Variants in PARM1 observed in about 807,000 individuals in gnomAD.
PARM1 encodes prostate androgen-regulated mucin-like protein 1.
A neutral mutation model predicts 24.6 loss-of-function variants in PARM1; 14 were observed. The observed-to-expected ratio is 0.57, with a 90% CI of 0.38 to 0.89. The LOEUF is 0.89. Ranked by LOEUF, PARM1 falls within the 40% of genes least tolerant of loss-of-function variation. The pLI is 0.00. For missense variants in PARM1, 362 were observed against 380.4 expected (o/e 0.95, Z 0.40); for synonymous variants, 179 against 156.6 (o/e 1.14, Z -1.07).
At chr4:75,028,151 A>T (rs748281556) in intron 2 of PARM1, among the ~76,000 whole-genome samples, 12 of 152,258 alleles carry the variant, frequency 7.9e-5, no homozygotes, top group Non-Finnish European at 1.0e-4. Flanking sequence ...CACAGTAAGT[A>T]ACAGGAAAGT....
intron 3 of PARM1, among the ~76,000 whole-genome samples, chr4:75,043,218 G>C (rs548071758): frequency 6.6e-6 from 1 of 152,256 alleles, no homozygotes; most frequent in African/African-American, 2.4e-5. Flanking sequence ...AGTTTCAAGA[G>C]TTCCCAGTGG....
At chr4:75,021,990 G>T (rs1157900499) in intron 2 of PARM1, among the ~76,000 whole-genome samples, 1 of 152,184 alleles carries the variant, frequency 6.6e-6, no homozygotes, top group African/African-American at 2.4e-5. Context: ...TGAGATTACT[G>T]GGTCAAATGG....
At chr4:75,021,815 T>C (rs1723093479) in intron 2 of PARM1, among the ~76,000 whole-genome samples, 2 of 150,464 alleles carry the variant, frequency 1.3e-5, no homozygotes, top group South Asian at 4.1e-4. Flanking sequence ...CTGAATAGTA[T>C]TCCGTAGTGT....
chr4:74,960,376 A>C (rs1435043440), intron 1 of PARM1, among the ~76,000 whole-genome samples: 1 of 152,182 alleles, frequency 6.6e-6, no homozygotes, highest in Non-Finnish European at 1.5e-5. Flanking sequence ...TTCTAAAAAC[A>C]ACCACATATA....
Position 75,016,186 on chromosome 4 carries a change from T to C in PARM1, c.769+3036T>C, listed in dbSNP as rs375627701. Among the ~76,000 whole-genome samples, 24 of 152,070 alleles carry C rather than the reference T, an allele frequency of 1.6e-4. No individual in the cohort carries two copies. In the East Asian group the frequency reaches 3.9e-3, roughly 25 times the overall value. On this transcript the variant is annotated intron_variant, in intron 2 of 3. Coordinates refer to ENST00000307428, the MANE Select transcript of PARM1 (RefSeq NM_015393.4). ...GCTGAGTTGCAGAAAATAAAGGAAA[T>C]TTGAGCCTAAAGAGAGATGAAGGGG...
chr4:74,984,894 T>G (rs1048280595), intron 1 of PARM1, among the ~76,000 whole-genome samples: 7 of 152,196 alleles, frequency 4.6e-5, no homozygotes, highest in African/African-American at 1.7e-4. Context: ...GCTTAAAACA[T>G]TTACCTTCTG....
chr4:74,937,484 A>C (rs954356768), intron 1 of PARM1, among the ~76,000 whole-genome samples: 2 of 152,214 alleles, frequency 1.3e-5, no homozygotes, highest in African/African-American at 4.8e-5. Context: ...CCTAGGTAAA[A>C]ATCTAAGTTT....
intron 2 of PARM1, among the ~76,000 whole-genome samples, chr4:75,019,153 T>C (rs1723041986): frequency 6.6e-6 from 1 of 152,240 alleles, no homozygotes; most frequent in Non-Finnish European, 1.5e-5. Context: ...ACGTGATCTG[T>C]TAAATTTGGG....
intron 3 of PARM1, among the ~76,000 whole-genome samples, chr4:75,045,218 G>A (rs2109818046): frequency 6.6e-6 from 1 of 152,348 alleles, no homozygotes; most frequent in East Asian, 1.9e-4. Flanking sequence ...AGGCATGAGA[G>A]TAAAGAGAAG....
At chr4:75,029,965 G>T (rs889707747) in intron 2 of PARM1, among the ~76,000 whole-genome samples, 4 of 152,088 alleles carry the variant, frequency 2.6e-5, no homozygotes, top group Non-Finnish European at 5.9e-5. Flanking sequence ...TACCCACTGT[G>T]GGCCAAAGAT....
chr4:75,034,548 A>G (rs1268843604), intron 3 of PARM1, among the ~76,000 whole-genome samples: 1 of 152,150 alleles, frequency 6.6e-6, no homozygotes, highest in Non-Finnish European at 1.5e-5. Flanking sequence ...AGTAGCTGAG[A>G]TTTTACTTTC....
At chr4:74,973,539 T>A (rs1722082479) in intron 1 of PARM1, among the ~76,000 whole-genome samples, 1 of 135,002 alleles carries the variant, frequency 7.4e-6, no homozygotes, top group East Asian at 2.4e-4. Flanking sequence ...TGGAGGCCAC[T>A]GGAGAGTCAG....
chr4:75,013,343 A>G (rs1722917753), intron 2 of PARM1, among the ~76,000 whole-genome samples, 193 bp downstream of exon 2: 1 of 152,262 alleles, frequency 6.6e-6, no homozygotes, highest in African/African-American at 2.4e-5. Flanking sequence ...CACTGTGGCC[A>G]ATTGCACCTT....
At chr4:74,999,295 A>G (rs1007541903) in intron 1 of PARM1, 3 of 152,258 alleles carry the variant, frequency 2.0e-5, no homozygotes, top group Admixed American at 1.3e-4. Flanking sequence ...ATCATAATTA[A>G]TTAAAACCTT....
chr4:75,022,948 C>G (rs1029288493), intron 2 of PARM1, among the ~76,000 whole-genome samples: 5 of 152,100 alleles, frequency 3.3e-5, no homozygotes, highest in Admixed American at 2.6e-4. Context: ...TTTGTTCCCC[C>G]TCAGGTCCTA....
intron 2 of PARM1, among the ~76,000 whole-genome samples, chr4:75,026,873 G>C (rs1397820451): frequency 6.6e-6 from 1 of 152,158 alleles, no homozygotes; most frequent in African/African-American, 2.4e-5. Flanking sequence ...AGCCCTATGA[G>C]GTGGAGAGGA....
At position 75,048,574 on chromosome 4, in the gene PARM1, C is replaced by T. The variant is rs1723657441; in HGVS notation, c.*2327C>T. 1 of 152,268 alleles carries T rather than the reference C, an allele frequency of 6.6e-6. No individual in the cohort carries two copies. Among genetic ancestry groups the T allele is most frequent in the Non-Finnish European group, 1.5e-5 (1 of 68,040 alleles). 9.4% of individuals were successfully genotyped at this position (152,268 alleles called of 1,614,324 possible). A position where few individuals can be genotyped will look rare whatever the true frequency, so the allele number is the denominator to read the frequency against. ...TGTGAAACACCTTTGGAGAGGTGCACTTCTGAATGCTGCCTCTGCCGTAAA... is the reference window on the plus strand; with the variant it reads ...TGTGAAACACCTTTGGAGAGGTGCATTTCTGAATGCTGCCTCTGCCGTAAA... On this transcript the variant is annotated 3_prime_UTR_variant, in exon 4 of 4. Transcript: ENST00000307428.
intron 1 of PARM1, among the ~76,000 whole-genome samples, chr4:74,985,070 A>G (rs1018018510): frequency 3.3e-5 from 5 of 152,142 alleles, no homozygotes; most frequent in African/African-American, 1.2e-4. Context: ...TCTGAGCAAG[A>G]CCATTTTTAT....
intron 2 of PARM1, among the ~76,000 whole-genome samples, chr4:75,017,140 C>T (rs564281618): frequency 2.2e-4 from 33 of 152,278 alleles, no homozygotes; most frequent in Admixed American, 3.9e-4. Flanking sequence ...TGTCATCTTT[C>T]AAACGTGTCA....
Sources: allele counts gnomAD v4.1 joint callset (sites outside exome capture counted in the v4.1 genomes callset), GRCh38; gene constraint gnomAD v4.1.1; transcripts MANE v1.5; gene names NCBI Gene and HGNC (gene_info 2026-07-23, HGNC 2026-07-21).